The following USP13 variants were observed in gnomAD, a reference collection of about 807,000 sequenced individuals.
USP13 encodes the protein ubiquitin specific peptidase 13.
USP13 carries 68 observed loss-of-function variants against 107.8 expected under a neutral mutation model. That is an observed-to-expected ratio of 0.63 (90% CI 0.52 to 0.77). USP13 has a LOEUF of 0.77. USP13 is among the 30% of genes least tolerant of loss of function. The pLI, the probability that USP13 is intolerant of heterozygous loss-of-function variation, is 0.00. For missense variants in USP13, 945 were observed against 1,093.3 expected (o/e 0.86, Z 1.91); for synonymous variants, 377 against 389.5 (o/e 0.97, Z 0.38).
intron 1 of USP13, among the ~76,000 whole-genome samples, chr3:179,667,492 G>A (rs549293497): frequency 2.0e-5 from 3 of 152,328 alleles, no homozygotes; most frequent in African/African-American, 7.2e-5. Flanking sequence ...GCCGGGAACT[G>A]CTGCAGGTGC....
In USP13 at chr3:179,707,056, T is replaced by C; in HGVS notation, c.600T>C (p.Asn200=). ...CCAACAACCTCACCCAGCTGGACAA[T>C]GGAGTCAGGATTCCTCCAAGGTGAG... ...KYANNLTQLD[N]GVRIPPSGWK... Residue 200 remains asparagine (N), a synonymous_variant, in exon 5 of 21, where the codon AAT becomes AAC. Coordinates refer to ENST00000263966, the MANE Select transcript of USP13 (RefSeq NM_003940.3). The C allele has an allele frequency of 6.2e-6, 10 of 1,614,008 alleles. No homozygotes were observed. Among genetic ancestry groups the C allele is most frequent in the Non-Finnish European group, 8.5e-6 (10 of 1,179,960 alleles).
At chr3:179,693,901 A>G (rs1436951072) in intron 3 of USP13, among the ~76,000 whole-genome samples, 1 of 150,476 alleles carries the variant, frequency 6.6e-6, no homozygotes, top group Non-Finnish European at 1.5e-5. Flanking sequence ...CTGGTCTCGA[A>G]CTCCTGACCT....
chr3:179,735,416 CTT>C (rs5854845), intron 10 of USP13, among the ~76,000 whole-genome samples: 19 of 142,996 alleles, frequency 1.3e-4, no homozygotes, highest in African/African-American at 2.3e-4. Flanking sequence ...AGAGCCTGAC[CTT>C]TTTTTTTTTT....
intron 1 of USP13, among the ~76,000 whole-genome samples, chr3:179,668,196 C>T (rs1474697390): frequency 3.3e-5 from 5 of 152,118 alleles, no homozygotes; most frequent in South Asian, 2.1e-4. Context: ...GATGGGGTCT[C>T]GCTATGCTGC....
At chr3:179,710,875 G>A (rs1010026665) in intron 6 of USP13, among the ~76,000 whole-genome samples, 1 of 152,154 alleles carries the variant, frequency 6.6e-6, no homozygotes, top group African/African-American at 2.4e-5. Flanking sequence ...TCTAAACATA[G>A]AAAAGATACA....
At position 179,745,211 on chromosome 3, in the gene USP13, G is replaced by A; in HGVS notation, c.1703G>A (p.Gly568Asp). ...AGTGCCCTACAAGCAAAGTCTGCGG[G>A]TGTGAAGTAAGTGTGTGTATATGTG... is the stretch of plus-strand genomic sequence containing the variant. Reference protein sequence around the residue: ...WSSALQAKSAGVKTSRFASFP... With the variant: ...WSSALQAKSADVKTSRFASFP... The change falls in exon 13 of 21, where the codon GGT becomes GAT. Residue 568 changes from glycine (G) to aspartate (D), a missense_variant. By Grantham distance (94) the Gly-to-Asp change is moderately conservative (BLOSUM62 -1). Coordinates refer to ENST00000263966, the MANE Select transcript of USP13 (RefSeq NM_003940.3). 6.2e-7 allele frequency: 1 copy of A among 1,609,324 alleles called. No homozygotes were observed. Among genetic ancestry groups the A allele is most frequent in the Non-Finnish European group, 8.5e-7 (1 of 1,177,608 alleles).
intron 20 of USP13, among the ~76,000 whole-genome samples, chr3:179,783,485 T>G (rs558211954): frequency 6.6e-6 from 1 of 152,326 alleles, no homozygotes; most frequent in South Asian, 2.1e-4. Flanking sequence ...TTGAAGAAAT[T>G]TTAATAGTTC....
At chr3:179,677,608 A>T (rs1711515949) in intron 1 of USP13, among the ~76,000 whole-genome samples, 1 of 152,128 alleles carries the variant, frequency 6.6e-6, no homozygotes, top group Non-Finnish European at 1.5e-5. Context: ...AATAAAATAA[A>T]TTTCCATCAG....
At chr3:179,705,324 G>A (rs920271727) in intron 4 of USP13, among the ~76,000 whole-genome samples, 4 of 152,226 alleles carry the variant, frequency 2.6e-5, no homozygotes, top group South Asian at 2.1e-4. Context: ...TTACAGTTTA[G>A]TGGAGTTTAT....
At chr3:179,670,967 G>GAA (rs1366140905) in intron 1 of USP13, among the ~76,000 whole-genome samples, 1 of 151,972 alleles carries the variant, frequency 6.6e-6, no homozygotes, top group African/African-American at 2.4e-5. Context: ...AAAGTGCTGG[G>GAA]ATTACAGGTG....
At chr3:179,670,576 C>T (rs188204949) in intron 1 of USP13, among the ~76,000 whole-genome samples, 253 of 152,274 alleles carry the variant, frequency 1.7e-3, no homozygotes, top group Admixed American at 2.7e-3. Flanking sequence ...GGTTACACGC[C>T]GTATCACCTC....
intron 6 of USP13, 86 bp downstream of exon 6, chr3:179,709,043 G>A: frequency 1.4e-6 from 2 of 1,470,044 alleles, no homozygotes; most frequent in Non-Finnish European, 1.8e-6. Context: ...GTTGGAAGGT[G>A]CAGGCTCTGG....
At chr3:179,728,084 A>C (rs1576957606) in intron 8 of USP13, among the ~76,000 whole-genome samples, 1 of 68,628 alleles carries the variant, frequency 1.5e-5, no homozygotes, top group African/African-American at 4.3e-5. Flanking sequence ...TGACCCCCCC[A>C]CCTCCCTCCC....
intron 6 of USP13, among the ~76,000 whole-genome samples, chr3:179,709,819 A>G (rs1712858300): frequency 6.6e-6 from 1 of 152,122 alleles, no homozygotes; most frequent in Admixed American, 6.5e-5. Context: ...GTGAGGTAAG[A>G]TGTTTTTAGG....
intron 13 of USP13, among the ~76,000 whole-genome samples, chr3:179,750,302 G>GTATATATATA (rs1456279754): frequency 3.9e-4 from 43 of 111,062 alleles, no homozygotes; most frequent in African/African-American, 1.3e-3. Context: ...ATATATGTGT[G>GTATATATATA]TGTATATATA....
intron 1 of USP13, among the ~76,000 whole-genome samples, chr3:179,658,178 A>G (rs532570340): frequency 1.3e-5 from 2 of 151,998 alleles, no homozygotes; most frequent in Non-Finnish European, 2.9e-5. Context: ...CTGGTCCTGA[A>G]CTCCTGACCT....
At chr3:179,734,448 G>A (rs1713915357) in intron 10 of USP13, among the ~76,000 whole-genome samples, 1 of 152,154 alleles carries the variant, frequency 6.6e-6, no homozygotes. Flanking sequence ...TTCTGAATAA[G>A]CTGCATTTCT....
intron 3 of USP13, among the ~76,000 whole-genome samples, chr3:179,691,579 G>T (rs1449244527): frequency 2.6e-5 from 4 of 152,182 alleles, no homozygotes; most frequent in Non-Finnish European, 5.9e-5. Context: ...TGGTCATGCT[G>T]AACTTGATCA....
At chr3:179,662,085 C>G (rs767101510) in intron 1 of USP13, among the ~76,000 whole-genome samples, 3 of 152,162 alleles carry the variant, frequency 2.0e-5, no homozygotes, top group African/African-American at 4.8e-5. Flanking sequence ...TTTCCTGTAT[C>G]AAATCTCTTC....
Sources: allele counts gnomAD v4.1 joint callset (sites outside exome capture counted in the v4.1 genomes callset), GRCh38; gene constraint gnomAD v4.1.1; transcripts MANE v1.5; gene names NCBI Gene and HGNC (gene_info 2026-07-23, HGNC 2026-07-21).